INPP4B: variants seen among roughly 807,000 people sequenced by gnomAD.
The protein encoded by INPP4B is inositol polyphosphate-4-phosphatase type II B, also known as inositol polyphosphate 4-phosphatase type II.
A neutral mutation model predicts 122.5 loss-of-function variants in INPP4B; 55 were observed. The ratio of observed to expected loss-of-function variants is 0.45; its 90% CI spans 0.36 to 0.56. The LOEUF is 0.56. Ranked by LOEUF, INPP4B falls within the 20% of genes least tolerant of loss-of-function variation. INPP4B has a pLI of 0.00. For missense variants in INPP4B, 1,000 were observed against 1,097.7 expected, an observed-to-expected ratio of 0.91 and a Z score of 1.26; for synonymous variants, 403 against 388.7, an observed-to-expected ratio of 1.04 and a Z score of -0.43.
chr4:142,245,195 C>A (rs533359291), intron 11 of INPP4B, among the ~76,000 whole-genome samples: 2 of 152,212 alleles, frequency 1.3e-5, no homozygotes, highest in South Asian at 4.2e-4. Context: ...ATGATAGTTT[C>A]TTTTCTGTGC....
At chr4:142,648,073 T>A (rs779452384) in intron 2 of INPP4B, among the ~76,000 whole-genome samples, 29 of 152,254 alleles carry the variant, frequency 1.9e-4, no homozygotes, top group Non-Finnish European at 2.9e-5. Context: ...AGGAACTCAC[T>A]GCTTCTCTTC....
At chr4:142,484,064 G>A (rs1820916974) in intron 2 of INPP4B, among the ~76,000 whole-genome samples, 1 of 152,204 alleles carries the variant, frequency 6.6e-6, no homozygotes, top group South Asian at 2.1e-4. Flanking sequence ...TACAATTAAA[G>A]AAGATGCAGA....
rs1841169996 is a variant in INPP4B, at chr4:142,202,733, T to C, written c.1072+5692A>G. On this transcript the variant is annotated intron_variant, in intron 14 of 25. Transcript: ENST00000262992. ...AAAACATATATTAGTTAAGCTTCTTTTCATACCAATTTGCGGAATCCCACT... is the reference window on the plus strand; with the variant it reads ...AAAACATATATTAGTTAAGCTTCTTCTCATACCAATTTGCGGAATCCCACT... 5 of 984,476 alleles carry C rather than the reference T, an allele frequency of 5.1e-6. No homozygotes were observed. The South Asian group carries it at 1.4e-4, about 28-fold the overall frequency. 61.0% of individuals were successfully genotyped at this position (984,476 alleles called of 1,614,324 possible). A position where few individuals can be genotyped will look rare whatever the true frequency, so the allele number is the denominator to read the frequency against.
chr4:142,297,971 T>A (rs116723808), intron 9 of INPP4B, among the ~76,000 whole-genome samples: 1 of 152,316 alleles, frequency 6.6e-6, no homozygotes, highest in Non-Finnish European at 1.5e-5. Flanking sequence ...GGGAGTTTAT[T>A]ACTACTTCCA....
intron 5 of INPP4B, 75 bp from the exon 6 acceptor site, chr4:142,405,399 A>G: frequency 2.2e-6 from 2 of 890,594 alleles, no homozygotes; most frequent in Non-Finnish European, 3.7e-6. Context: ...GCCGGGCTGA[A>G]AGTGAACTTA....
intron 16 of INPP4B, among the ~76,000 whole-genome samples, chr4:142,172,196 T>C (rs1280034795): frequency 2.0e-5 from 3 of 151,952 alleles, no homozygotes; most frequent in African/African-American, 7.2e-5. Flanking sequence ...AAAATCCATA[T>C]ATTAGACGGA....
intron 2 of INPP4B, among the ~76,000 whole-genome samples, chr4:142,659,609 A>C (rs987279375): frequency 6.6e-6 from 1 of 152,090 alleles, no homozygotes; most frequent in African/African-American, 2.4e-5. Context: ...AATCCTGATA[A>C]ATATTCTAGT....
At chr4:142,082,259 T>G in intron 24 of INPP4B, 74 bp from the exon 25 acceptor site, 3 of 1,259,612 alleles carry the variant, frequency 2.4e-6, no homozygotes, top group Non-Finnish European at 3.2e-6. Flanking sequence ...TCCAAACACT[T>G]CTAGTCTAAA....
At chr4:142,784,933 CT>C in intron 1 of INPP4B, among the ~76,000 whole-genome samples, 1 of 152,114 alleles carries the variant, frequency 6.6e-6, no homozygotes, top group Non-Finnish European at 1.5e-5. Context: ...CTAAGAAATA[CT>C]TGTGGAGGTA....
intron 7 of INPP4B, among the ~76,000 whole-genome samples, chr4:142,371,727 T>G (rs1477071283): frequency 6.6e-6 from 1 of 151,908 alleles, no homozygotes; most frequent in Non-Finnish European, 1.5e-5. Flanking sequence ...AAAACCACAA[T>G]GAGATATCAT....
chr4:142,216,244 A>G (rs1847200997), intron 12 of INPP4B, among the ~76,000 whole-genome samples: 1 of 152,210 alleles, frequency 6.6e-6, no homozygotes, highest in Non-Finnish European at 1.5e-5. Flanking sequence ...TATCTCCAAA[A>G]CAAATCTTCT....
At chr4:142,076,695 A>G (rs1770908869) in intron 25 of INPP4B, among the ~76,000 whole-genome samples, 1 of 152,234 alleles carries the variant, frequency 6.6e-6, no homozygotes, top group East Asian at 1.9e-4. Flanking sequence ...TACATATGTA[A>G]CAAACCTGCA....
chr4:142,274,311 C>T (rs955186498), intron 9 of INPP4B, among the ~76,000 whole-genome samples: 1 of 151,854 alleles, frequency 6.6e-6, no homozygotes, highest in Non-Finnish European at 1.5e-5. Context: ...CATATCACTT[C>T]AGTTCTCTGG....
At chr4:142,450,509 A>G (rs1813898967) in intron 3 of INPP4B, among the ~76,000 whole-genome samples, 1 of 152,190 alleles carries the variant, frequency 6.6e-6, no homozygotes, top group Non-Finnish European at 1.5e-5. Flanking sequence ...CTCCTTGGAA[A>G]TACCAAATCA....
intron 7 of INPP4B, among the ~76,000 whole-genome samples, chr4:142,344,168 C>T (rs62328289): frequency 0.013 from 1,932 of 152,036 alleles, 24 homozygotes; most frequent in Middle Eastern, 0.024. Context: ...AAGAAGAGCA[C>T]GGATTTAAAG....
chr4:142,337,282 A>T (rs975070102), intron 7 of INPP4B, among the ~76,000 whole-genome samples: 1 of 151,974 alleles, frequency 6.6e-6, no homozygotes. Flanking sequence ...AAATTCTTGC[A>T]TGTGTATCTG....
chr4:142,240,765 A>G (rs1858963935), intron 11 of INPP4B, among the ~76,000 whole-genome samples: 3 of 152,198 alleles, frequency 2.0e-5, no homozygotes, highest in Admixed American at 2.0e-4. Context: ...TATGTATCAT[A>G]AAATACAGTA....
intron 2 of INPP4B, among the ~76,000 whole-genome samples, chr4:142,529,173 A>G (rs976843975): frequency 1.3e-5 from 2 of 152,136 alleles, no homozygotes; most frequent in African/African-American, 4.8e-5. Context: ...ATCCATTTAA[A>G]GTGCAAGACC....
chr4:142,633,032 A>G (rs1161539805), intron 2 of INPP4B, among the ~76,000 whole-genome samples: 1 of 151,954 alleles, frequency 6.6e-6, no homozygotes, highest in Non-Finnish European at 1.5e-5. Flanking sequence ...GACAAAGAAA[A>G]GTTGAAAGCA....
Sources: gnomAD v4.1 joint callset for allele counts (sites outside exome capture counted in the v4.1 genomes callset) on GRCh38, gnomAD v4.1.1 for gene constraint, MANE v1.5 for transcripts, NCBI Gene and HGNC (gene_info 2026-07-23, HGNC 2026-07-21) for gene names.